ADAMTS19: variants seen among roughly 807,000 people sequenced by gnomAD.
ADAMTS19 encodes the protein A disintegrin and metalloproteinase with thrombospondin motifs 19.
A neutral mutation model predicts 153.3 loss-of-function variants in ADAMTS19; 93 were observed. That is an observed-to-expected ratio of 0.61 (90% confidence interval 0.51 to 0.72). ADAMTS19 has a LOEUF of 0.72. Among genes scored for constraint, ADAMTS19 ranks in the 30% least tolerant of loss-of-function variants. The pLI, the probability that ADAMTS19 is intolerant of heterozygous loss-of-function variation, is 0.00. For synonymous variants in ADAMTS19, 600 were observed against 556.6 expected, an observed-to-expected ratio of 1.08 and a Z score of -1.10; for missense variants, 1,482 against 1,552.1, an observed-to-expected ratio of 0.95 and a Z score of 0.76.
intron 16 of ADAMTS19, among the ~76,000 whole-genome samples, chr5:129,676,452 A>G (rs1334815619): frequency 3.3e-5 from 5 of 151,964 alleles, no homozygotes; most frequent in Non-Finnish European, 7.4e-5. Context: ...TGTGTCCTCA[A>G]CTCACTGAAG....
In ADAMTS19 at chr5:129,546,916, G is replaced by C. The variant is rs556504944; in HGVS notation, c.1329-4948G>C. On this transcript the variant is annotated intron_variant, in intron 6 of 22. Coordinates refer to ENST00000274487, the MANE Select transcript of ADAMTS19 (RefSeq NM_133638.6). ...CCATAATTTCAGATTAAAAACACATGAAAAATTGAAGGGAGAGATTGGATT... is the reference window on the plus strand; with the variant it reads ...CCATAATTTCAGATTAAAAACACATCAAAAATTGAAGGGAGAGATTGGATT... 4.0e-5 allele frequency among the ~76,000 whole-genome samples: 6 copies of C among 151,142 alleles called. No individual in the cohort carries two copies. The East Asian group carries it at 1.2e-3, about 29-fold the overall frequency.
At chr5:129,630,585 T>C (rs1752243601) in intron 10 of ADAMTS19, among the ~76,000 whole-genome samples, 1 of 151,998 alleles carries the variant, frequency 6.6e-6, no homozygotes, top group Non-Finnish European at 1.5e-5. Context: ...TATCATAAGA[T>C]AAAATTAACC....
Position 129,614,708 on chromosome 5 carries a change from A to T in ADAMTS19, c.1479-5910A>T, listed in dbSNP as rs191642269. 5.8e-3 allele frequency among the ~76,000 whole-genome samples: 882 copies of T among 152,258 alleles called. 11 individuals are homozygous for T. Among genetic ancestry groups the T allele is most frequent in the African/African-American group, 0.02 (839 of 41,554 alleles). ...CAGGGCAATCAGGCAGGAGAAAGAA[A>T]TAAAGGGTATTCAATTAGGAAAAGA... On this transcript the variant is annotated intron_variant, in intron 8 of 22. Coordinates refer to ENST00000274487, the MANE Select transcript of ADAMTS19 (RefSeq NM_133638.6).
intron 8 of ADAMTS19, among the ~76,000 whole-genome samples, chr5:129,604,970 TTC>T: frequency 6.6e-6 from 1 of 152,294 alleles, no homozygotes; most frequent in East Asian, 1.9e-4. Flanking sequence ...TCTTTGAGTG[TTC>T]TCTGTTTCTC....
intron 8 of ADAMTS19, among the ~76,000 whole-genome samples, chr5:129,611,954 T>C (rs1401345603): frequency 6.6e-6 from 1 of 151,976 alleles, no homozygotes; most frequent in African/African-American, 2.4e-5. Flanking sequence ...TTCTTAATTT[T>C]TGATCTTTTT....
intron 11 of ADAMTS19, 29 bp from the exon 12 acceptor site, chr5:129,647,736 G>A (rs907265070): frequency 1.2e-5 from 20 of 1,607,640 alleles, no homozygotes; most frequent in Non-Finnish European, 1.6e-5. Flanking sequence ...GCCCTGATTT[G>A]TTCACCTAAG....
rs761057603 is a variant in ADAMTS19, at chr5:129,665,494, T to C, written c.2426-5T>C. Reference sequence around the variant, plus strand: ...ATTTATTTCATGTTTTATTGACTCTTACAGGTTATGTAGAAGTGCTGGTGA... The same window carrying C: ...ATTTATTTCATGTTTTATTGACTCTCACAGGTTATGTAGAAGTGCTGGTGA... On this transcript the variant is annotated splice_region_variant and splice_polypyrimidine_tract_variant and intron_variant, in intron 15 of 22. Transcript: ENST00000274487. The C allele has an allele frequency of 6.2e-7, 1 of 1,600,348 alleles. No individual in the cohort carries two copies. The highest frequency in any genetic ancestry group is 8.5e-7 in the Non-Finnish European group (1 of 1,170,812).
In ADAMTS19 at chr5:129,509,121, A is replaced by G. The variant is rs1266063358; in HGVS notation, c.792A>G (p.Pro264=). 1.2e-6 allele frequency: 2 copies of G among 1,611,414 alleles called. No homozygotes were observed. The highest frequency in any genetic ancestry group is 8.5e-7 in the Non-Finnish European group (1 of 1,178,324). ...QLNEDFIFIE[P]LNDTMAITGH... Reference sequence around the variant, plus strand: ...ATGAGGACTTCATATTTATTGAGCCACTCAATGATACAATGGCCATAACAG... The same window carrying G: ...ATGAGGACTTCATATTTATTGAGCCGCTCAATGATACAATGGCCATAACAG... Residue 264 remains proline, a synonymous_variant, in exon 3 of 23, where the codon CCA becomes CCG. Transcript: ENST00000274487.
At chr5:129,520,812 T>G (rs1038382554) in intron 3 of ADAMTS19, among the ~76,000 whole-genome samples, 6 of 152,100 alleles carry the variant, frequency 3.9e-5, no homozygotes, top group Non-Finnish European at 8.8e-5. Context: ...TCTGCATGGT[T>G]TTCTCTTATC....
intron 3 of ADAMTS19, among the ~76,000 whole-genome samples, chr5:129,519,401 G>C (rs1296122044): frequency 1.3e-5 from 2 of 152,080 alleles, no homozygotes; most frequent in African/African-American, 4.8e-5. Context: ...GCACAAGGAA[G>C]GAGTCTCTTT....
intron 6 of ADAMTS19, among the ~76,000 whole-genome samples, chr5:129,547,076 C>T (rs889436095): frequency 6.6e-6 from 1 of 150,732 alleles, no homozygotes; most frequent in Non-Finnish European, 1.5e-5. Context: ...AATATGTTAT[C>T]CCATATGGAA....
chr5:129,616,149 AT>A (rs1274405497), intron 8 of ADAMTS19, among the ~76,000 whole-genome samples: 2 of 152,024 alleles, frequency 1.3e-5, no homozygotes, highest in Admixed American at 1.3e-4. Flanking sequence ...ATAAAAGGAA[AT>A]ATGATACAAA....
At chr5:129,729,145 A>G (rs1757330748) in intron 21 of ADAMTS19, among the ~76,000 whole-genome samples, 1 of 152,078 alleles carries the variant, frequency 6.6e-6, no homozygotes, top group Non-Finnish European at 1.5e-5. Flanking sequence ...ACCTTGTCTA[A>G]CAAAAAGGAA....
chr5:129,614,099 C>T (rs1751379894), intron 8 of ADAMTS19, among the ~76,000 whole-genome samples: 2 of 152,098 alleles, frequency 1.3e-5, no homozygotes, highest in South Asian at 2.1e-4. Flanking sequence ...CAGAATTCTA[C>T]CAGAGGTACA....
chr5:129,587,527 C>T (rs758453836), intron 7 of ADAMTS19, among the ~76,000 whole-genome samples: 13 of 152,060 alleles, frequency 8.5e-5, no homozygotes, highest in Non-Finnish European at 1.8e-4. Flanking sequence ...ATGATTTAGT[C>T]TTTCTTTGTC....
At chr5:129,466,999 A>G (rs1020536202) in intron 2 of ADAMTS19, among the ~76,000 whole-genome samples, 1 of 152,254 alleles carries the variant, frequency 6.6e-6, no homozygotes, top group Non-Finnish European at 1.5e-5. Context: ...CAAAATTTTT[A>G]AACAACTTTC....
chr5:129,718,237 ATCAT>A (rs1208762865), intron 21 of ADAMTS19, among the ~76,000 whole-genome samples: 5 of 152,058 alleles, frequency 3.3e-5, no homozygotes, highest in African/African-American at 9.7e-5. Context: ...TTCTTTCTAA[ATCAT>A]TCATAAGCAA....
chr5:129,654,057 A>G (rs1753433177), intron 13 of ADAMTS19, among the ~76,000 whole-genome samples: 1 of 152,196 alleles, frequency 6.6e-6, no homozygotes, highest in African/African-American at 2.4e-5. Context: ...CTGCCATAAA[A>G]TAACAAATGA....
intron 18 of ADAMTS19, among the ~76,000 whole-genome samples, chr5:129,684,773 G>C (rs867706335): frequency 6.6e-6 from 1 of 152,136 alleles, no homozygotes; most frequent in Admixed American, 6.5e-5. Flanking sequence ...AGATCACGAG[G>C]TCAGGAGATC....
Sources: allele counts gnomAD v4.1 joint callset (sites outside exome capture counted in the v4.1 genomes callset), GRCh38; gene constraint gnomAD v4.1.1; transcripts MANE v1.5; gene names NCBI Gene and HGNC (gene_info 2026-07-23, HGNC 2026-07-21).